HMCN1: variants seen among roughly 807,000 people sequenced by gnomAD.
HMCN1 encodes hemicentin-1.
A neutral mutation model predicts 625.9 loss-of-function variants in HMCN1; 321 were observed. That is an observed-to-expected ratio of 0.51 (90% CI 0.47 to 0.56). HMCN1 has a LOEUF of 0.56. Among genes scored for constraint, HMCN1 ranks in the 20% least tolerant of loss-of-function variants. HMCN1 has a pLI of 0.00. For synonymous variants in HMCN1, 2,425 were observed against 2,417.6 expected, an observed-to-expected ratio of 1.00 and a Z score of -0.09; for missense variants, 6,588 against 6,887.3, an observed-to-expected ratio of 0.96 and a Z score of 1.54.
rs1177288321 is a variant in HMCN1, at chr1:186,094,115, C to G, written c.10197-161C>G. ...CTAATCAGCTTTGTAGAATAAATTG[C>G]ATTTGAGGCCCCTATATTTTGTGAT... On this transcript the variant is annotated intron_variant, in intron 66 of 106. Transcript: ENST00000271588. Among the ~76,000 whole-genome samples the G allele has an allele frequency of 2.0e-5, 3 of 152,028 alleles. No homozygotes were observed. In the East Asian group the frequency reaches 5.8e-4, roughly 29 times the overall value.
At chr1:185,848,766 T>C (rs1167190959) in intron 2 of HMCN1, among the ~76,000 whole-genome samples, 1 of 152,186 alleles carries the variant, frequency 6.6e-6, no homozygotes, top group Non-Finnish European at 1.5e-5. Context: ...ACTTCCTTAA[T>C]ACACCCTGCA....
intron 64 of HMCN1, 99 bp downstream of exon 64, chr1:186,091,016 A>G: frequency 7.6e-7 from 1 of 1,313,174 alleles, no homozygotes; most frequent in Non-Finnish European, 1.1e-6. Flanking sequence ...ATTCCATCCC[A>G]TTGGAACTTA....
intron 15 of HMCN1, 21 bp downstream of exon 15, chr1:185,970,514 G>A: frequency 6.3e-7 from 1 of 1,598,330 alleles, no homozygotes; most frequent in Non-Finnish European, 8.6e-7. Flanking sequence ...AGATCTTATA[G>A]GCCAATTTGT....
At position 186,037,976 on chromosome 1, in the gene HMCN1, C is replaced by G; in HGVS notation, c.5792C>G (p.Thr1931Ser). ...GATGCTGGAAAAATGCTGAATGAGA[C>G]TGTGTTGGTGAGCAACCCTGTACAG... is the stretch of plus-strand genomic sequence containing the variant. ...LEDAGKMLNETVLVSNPVQLE... is the reference protein window; with the variant it reads ...LEDAGKMLNESVLVSNPVQLE... The change falls in exon 37 of 107, where the codon ACT (threonine) becomes AGT (serine). Residue 1931 changes from threonine to serine, a missense_variant. Transcript: ENST00000271588. 3.7e-6 allele frequency: 6 copies of G among 1,613,332 alleles called. No homozygotes were observed. Among genetic ancestry groups the G allele is most frequent in the African/African-American group, 1.3e-5 (1 of 74,994 alleles).
intron 83 of HMCN1, among the ~76,000 whole-genome samples, chr1:186,129,480 G>C (rs1246995349): frequency 1.3e-5 from 2 of 150,460 alleles, no homozygotes; most frequent in African/African-American, 4.9e-5. Flanking sequence ...CTATGTTGTT[G>C]TTATTACCTA....
Position 186,086,369 on chromosome 1 carries a change from A to G in HMCN1, c.9008A>G (p.Gln3003Arg). ...GACCTCAGCTGGCTCAAGAATGAAC[A>G]GCCCATCAAACTGAACACAAATACT... ...PPDLSWLKNE[Q>R]PIKLNTNTLI... The change falls in exon 58 of 107, where the codon CAG (glutamine) becomes CGG (arginine). Residue 3003 changes from glutamine to arginine, a missense_variant. By Grantham distance (43) the Gln-to-Arg change is conservative. Transcript: ENST00000271588. The G allele has an allele frequency of 6.2e-7, 1 of 1,613,368 alleles. No homozygotes were observed. The highest frequency in any genetic ancestry group is 8.5e-7 in the Non-Finnish European group (1 of 1,179,542).
chr1:185,983,273 A>G (rs1325235262), intron 18 of HMCN1, among the ~76,000 whole-genome samples: 1 of 152,020 alleles, frequency 6.6e-6, no homozygotes, highest in Admixed American at 6.6e-5. Context: ...GGCTCAGAGC[A>G]TTTTTCTTTC....
intron 1 of HMCN1, among the ~76,000 whole-genome samples, chr1:185,796,272 T>C (rs1243030685): frequency 6.6e-6 from 1 of 152,150 alleles, no homozygotes; most frequent in Non-Finnish European, 1.5e-5. Flanking sequence ...TCTAATTCCC[T>C]CATTGATATG....
chr1:186,090,238 T>C (rs1338206518), intron 63 of HMCN1, among the ~76,000 whole-genome samples: 1 of 151,990 alleles, frequency 6.6e-6, no homozygotes, highest in Non-Finnish European at 1.5e-5. Flanking sequence ...TAGAAACTAT[T>C]GGCTCTTCAG....
At chr1:185,774,955 A>T (rs189682723) in intron 1 of HMCN1, among the ~76,000 whole-genome samples, 2 of 152,172 alleles carry the variant, frequency 1.3e-5, no homozygotes, top group Non-Finnish European at 2.9e-5. Context: ...TGTGGGATAA[A>T]GTATGACTGA....
At chr1:185,813,191 C>T (rs1318613884) in intron 1 of HMCN1, among the ~76,000 whole-genome samples, 1 of 152,138 alleles carries the variant, frequency 6.6e-6, no homozygotes, top group Non-Finnish European at 1.5e-5. Context: ...AGTATACTTA[C>T]ATAACTTTGG....
chr1:186,185,736 A>G (rs997642517), intron 105 of HMCN1, among the ~76,000 whole-genome samples: 31 of 152,180 alleles, frequency 2.0e-4, no homozygotes, highest in African/African-American at 7.5e-4. Flanking sequence ...TCCCAATATA[A>G]ATACCATTAT....
At chr1:185,965,963 C>CT (rs764908667) in intron 14 of HMCN1, 48 bp downstream of exon 14, 63 of 1,136,522 alleles carry the variant, frequency 5.5e-5, no homozygotes, top group African/African-American at 5.2e-4. Context: ...GTTTTGTTTT[C>CT]TTTTTAAAAA....
chr1:186,183,691 T>A (rs988427865), intron 105 of HMCN1, among the ~76,000 whole-genome samples: 1 of 152,156 alleles, frequency 6.6e-6, no homozygotes, highest in East Asian at 1.9e-4. Flanking sequence ...ATCAGAGTGA[T>A]TATGTGAGCC....
chr1:185,858,783 A>AAGAAC (rs1263412986), intron 2 of HMCN1, among the ~76,000 whole-genome samples: 6 of 151,012 alleles, frequency 4.0e-5, no homozygotes. Context: ...GTTTGGAAAT[A>AAGAAC]AAACTTACAA....
chr1:186,090,413 A>G (rs1659777041), intron 63 of HMCN1, among the ~76,000 whole-genome samples: 1 of 151,982 alleles, frequency 6.6e-6, no homozygotes, highest in South Asian at 2.1e-4. Context: ...ACACAAAAAA[A>G]TGCACACTGC....
Position 186,076,423 on chromosome 1 carries a change from C to T in HMCN1, c.8291-5C>T, listed in dbSNP as rs1316721332. ...TGACCAACATTTAATGCCTTTCCTC[C>T]ATAGTTCCTCCAAGTTTTCAGAAAC... On this transcript the variant is annotated splice_polypyrimidine_tract_variant and splice_region_variant and intron_variant, in intron 53 of 106. Transcript: ENST00000271588. The T allele has an allele frequency of 6.2e-7, 1 of 1,612,824 alleles. No individual in the cohort carries two copies. The highest frequency in any genetic ancestry group is 8.5e-7 in the Non-Finnish European group (1 of 1,179,250).
intron 49 of HMCN1, among the ~76,000 whole-genome samples, chr1:186,066,010 T>C (rs528698670): frequency 1.3e-5 from 2 of 152,128 alleles, no homozygotes; most frequent in African/African-American, 2.4e-5. Context: ...ATTTGTATAG[T>C]TGTTTGTTTT....
At chr1:186,041,660 C>G (rs577299889) in intron 40 of HMCN1, among the ~76,000 whole-genome samples, 1 of 152,140 alleles carries the variant, frequency 6.6e-6, no homozygotes, top group Non-Finnish European at 1.5e-5. Context: ...AGGGAATGCC[C>G]GATCCCATCA....
Sources: gnomAD v4.1 joint callset for allele counts (sites outside exome capture counted in the v4.1 genomes callset) on GRCh38, gnomAD v4.1.1 for gene constraint, MANE v1.5 for transcripts, NCBI Gene and HGNC (gene_info 2026-07-23, HGNC 2026-07-21) for gene names.